NPAS3: variants seen among roughly 807,000 people sequenced by gnomAD.
The protein encoded by NPAS3 is neuronal PAS domain-containing protein 3.
Under a neutral mutation model 73.1 loss-of-function variants are expected in NPAS3, and 14 were observed. The ratio of observed to expected loss-of-function variants is 0.19; its 90% CI spans 0.13 to 0.30. The LOEUF (loss-of-function observed/expected upper bound fraction) is 0.30. Ranked by LOEUF, NPAS3 falls within the 10% of genes least tolerant of loss-of-function variation. The pLI is 1.00. For synonymous variants in NPAS3, 620 were observed against 541.5 expected, an observed-to-expected ratio of 1.14 and a Z score of -2.01; for missense variants, 1,096 against 1,250.0, an observed-to-expected ratio of 0.88 and a Z score of 1.86.
rs181692402 is a variant in NPAS3, at chr14:33,149,227, A to G, written c.141-65955A>G. ...CATAAGGTATGTAAAGGAAAGGGCT[A>G]TACTCCAAATGATTTGAGAAAACTT... On this transcript the variant is annotated intron_variant, in intron 2 of 11. Coordinates refer to ENST00000356141, the Ensembl canonical transcript of NPAS3. Among the ~76,000 whole-genome samples, 8 of 152,344 alleles carry G rather than the reference A, an allele frequency of 5.3e-5. No homozygotes were observed. In the East Asian group the frequency reaches 5.8e-4, roughly 11 times the overall value.
intron 2 of NPAS3, among the ~76,000 whole-genome samples, chr14:33,138,494 CAAT>C (rs2139157660): frequency 6.6e-6 from 1 of 152,194 alleles, no homozygotes; most frequent in South Asian, 2.1e-4. Flanking sequence ...TTCATTGGTT[CAAT>C]GAATTAAGGA....
intron 3 of NPAS3, among the ~76,000 whole-genome samples, chr14:33,295,530 A>G (rs2042261615): frequency 6.6e-6 from 1 of 152,206 alleles, no homozygotes; most frequent in African/African-American, 2.4e-5. Context: ...AAGTAGTTAT[A>G]CACAAGGAAG....
At chr14:33,145,080 A>G (rs902234572) in intron 2 of NPAS3, among the ~76,000 whole-genome samples, 6 of 152,174 alleles carry the variant, frequency 3.9e-5, no homozygotes, top group Non-Finnish European at 7.3e-5. Context: ...TTTAAGTTAC[A>G]GGGGAGATAT....
At chr14:33,170,174 A>G (rs1329558320) in intron 2 of NPAS3, among the ~76,000 whole-genome samples, 1 of 152,210 alleles carries the variant, frequency 6.6e-6, no homozygotes, top group African/African-American at 2.4e-5. Flanking sequence ...GACTACTACA[A>G]TAAAACGAAT....
At chr14:33,288,650 G>C (rs757232263) in intron 3 of NPAS3, among the ~76,000 whole-genome samples, 50 of 151,932 alleles carry the variant, frequency 3.3e-4, no homozygotes, top group Non-Finnish European at 1.2e-4. Flanking sequence ...GAAGTCAGGA[G>C]AGAGTTTACA....
chr14:33,433,913 G>A (rs1029372247), intron 4 of NPAS3, among the ~76,000 whole-genome samples: 3 of 152,290 alleles, frequency 2.0e-5, no homozygotes, highest in East Asian at 1.9e-4. Context: ...ATACTAGGCC[G>A]GGCATGGTGG....
At chr14:33,782,647 A>C (rs1486000622) in intron 9 of NPAS3, among the ~76,000 whole-genome samples, 1 of 152,098 alleles carries the variant, frequency 6.6e-6, no homozygotes, top group East Asian at 1.9e-4. Context: ...ATTTCAGAGA[A>C]AAGGAGCCAG....
At chr14:33,440,204 A>G (rs113031285) in intron 4 of NPAS3, among the ~76,000 whole-genome samples, 3,831 of 152,038 alleles carry the variant, frequency 0.025, 170 homozygotes, top group African/African-American at 0.087. Context: ...CCAGCTCCTC[A>G]TGTTACAAAT....
At chr14:33,578,674 A>G (rs1346351171) in intron 5 of NPAS3, among the ~76,000 whole-genome samples, 1 of 152,212 alleles carries the variant, frequency 6.6e-6, no homozygotes, top group South Asian at 2.1e-4. Context: ...TAATCCTGCA[A>G]TCAGGGGTTT....
intron 4 of NPAS3, among the ~76,000 whole-genome samples, chr14:33,427,502 A>ATC (rs2048604995): frequency 6.6e-6 from 1 of 151,482 alleles, no homozygotes; most frequent in Non-Finnish European, 1.5e-5. Context: ...GTTCCCCAGT[A>ATC]TCTAGTGCCG....
At chr14:33,493,159 A>G (rs533015323) in intron 4 of NPAS3, among the ~76,000 whole-genome samples, 6 of 152,226 alleles carry the variant, frequency 3.9e-5, no homozygotes, top group Non-Finnish European at 7.4e-5. Flanking sequence ...AAAACTTCTC[A>G]TCATCATTTT....
chr14:33,150,009 T>A (rs2044387924), intron 2 of NPAS3, among the ~76,000 whole-genome samples: 1 of 152,166 alleles, frequency 6.6e-6, no homozygotes. Flanking sequence ...ATTGTTCAAC[T>A]CCCATTTATG....
At chr14:33,325,164 T>A (rs34241043) in intron 3 of NPAS3, among the ~76,000 whole-genome samples, 44,489 of 151,564 alleles carry the variant, frequency 0.29, 7,840 homozygotes, top group African/African-American at 0.5. Context: ...ATTTTTTTTT[T>A]AAAAAATTAA....
At chr14:33,198,802 A>G (rs561051251) in intron 2 of NPAS3, among the ~76,000 whole-genome samples, 4 of 152,312 alleles carry the variant, frequency 2.6e-5, no homozygotes, top group African/African-American at 9.6e-5. Flanking sequence ...AGTGCCTGTC[A>G]GGAAGGCTCG....
At chr14:33,727,996 C>T (rs1302720994) in intron 6 of NPAS3, among the ~76,000 whole-genome samples, 1 of 152,150 alleles carries the variant, frequency 6.6e-6, no homozygotes. Flanking sequence ...TCAGTTTTTC[C>T]CCCTTGAACT....
intron 4 of NPAS3, among the ~76,000 whole-genome samples, chr14:33,536,891 C>T (rs573534634): frequency 8.5e-5 from 13 of 152,234 alleles, no homozygotes; most frequent in Admixed American, 3.3e-4. Context: ...ATTTTCTAGA[C>T]ATTTGAATTT....
chr14:33,514,371 G>T (rs1371347042), intron 4 of NPAS3, among the ~76,000 whole-genome samples: 2 of 151,968 alleles, frequency 1.3e-5, no homozygotes, highest in South Asian at 2.1e-4. Flanking sequence ...ACCAAGTGAG[G>T]TTATCTGAGT....
rs2063682240 is a variant in NPAS3, at chr14:33,800,659, GCT to G, written c.2353_2354del (p.Leu785ValfsTer67). On this transcript the variant is annotated frameshift_variant, in exon 12 of 12. Transcript: ENST00000356141. LOFTEE classifies it high-confidence loss of function. This position sits in a 1 kb window ranked among gnomAD's most constrained non-coding sequence, Gnocchi z 6.5. ...GCGGCCCCAGCGCGTCCAACTCCTT[GCT>G]GTACACTGGGGACCTGGAGGCGCTG... The G allele has an allele frequency of 6.5e-7, 1 of 1,539,836 alleles. No individual in the cohort carries two copies. The highest frequency in any genetic ancestry group is 8.7e-7 in the Non-Finnish European group (1 of 1,145,782).
intron 1 of NPAS3, among the ~76,000 whole-genome samples, chr14:32,972,130 G>A (rs2037458583): frequency 6.6e-6 from 1 of 151,878 alleles, no homozygotes; most frequent in African/African-American, 2.4e-5. Flanking sequence ...AGTGGAGACA[G>A]AGTTTCACCA....
Sources: gnomAD v4.1 joint callset for allele counts (sites outside exome capture counted in the v4.1 genomes callset) on GRCh38, gnomAD v4.1.1 for gene constraint, Gnocchi (gnomAD v3.1) non-coding constraint, MANE v1.5 for transcripts, NCBI Gene and HGNC (gene_info 2026-07-23, HGNC 2026-07-21) for gene names.